The following MBTPS1 variants were observed in gnomAD, a reference collection of about 807,000 sequenced individuals.
The protein encoded by MBTPS1 is membrane-bound transcription factor site-1 protease.
A neutral mutation model predicts 127.8 loss-of-function variants in MBTPS1; 94 were observed. The ratio of observed to expected loss-of-function variants is 0.74; its 90% CI spans 0.62 to 0.87. The LOEUF (loss-of-function observed/expected upper bound fraction) is 0.87. Ranked by LOEUF, MBTPS1 falls within the 40% of genes least tolerant of loss-of-function variation. MBTPS1 has a pLI of 0.00. For synonymous variants in MBTPS1, 632 were observed against 509.4 expected (o/e 1.24, Z -3.24); for missense variants, 1,636 against 1,353.2 (o/e 1.21, Z -3.28).
chr16:84,108,446 T>C (rs930387177), intron 1 of MBTPS1, among the ~76,000 whole-genome samples: 1 of 152,154 alleles, frequency 6.6e-6, no homozygotes, highest in African/African-American at 2.4e-5. Context: ...GTATTTTTAG[T>C]AGAGACAGGA....
intron 9 of MBTPS1, among the ~76,000 whole-genome samples, chr16:84,087,042 C>T (rs530196997): frequency 1.8e-4 from 28 of 152,200 alleles, no homozygotes; most frequent in Admixed American, 5.2e-4. Context: ...ATAGGGTAAA[C>T]GGGCAGGAAC....
chr16:84,098,502 T>C (rs888059251), intron 3 of MBTPS1, among the ~76,000 whole-genome samples: 2 of 150,684 alleles, frequency 1.3e-5, no homozygotes, highest in Non-Finnish European at 1.5e-5. Context: ...CCCAGCTACT[T>C]GGGAGGCTAA....
At position 84,093,838 on chromosome 16, in the gene MBTPS1, A is replaced by C. The variant is rs1392038388; in HGVS notation, c.626-17T>G. The C allele has an allele frequency of 6.7e-7, 1 of 1,503,348 alleles. No homozygotes were observed. Among genetic ancestry groups the C allele is most frequent in the Admixed American group, 1.7e-5 (1 of 59,846 alleles). The allele number at this position is 1,503,348 out of a possible 1,614,324, so 93.1% of individuals were successfully genotyped here. A position where few individuals can be genotyped will look rare whatever the true frequency, so the allele number is the denominator to read the frequency against. ...CATTAGCACCTTATTCGGAAAAGAA[A>C]GCAAACACAATTATGTTTGAAGAAA... On this transcript the variant is annotated splice_polypyrimidine_tract_variant and intron_variant, in intron 4 of 22. Transcript: ENST00000343411.
chr16:84,077,029 C>T (rs2085865049), intron 11 of MBTPS1, among the ~76,000 whole-genome samples: 1 of 152,012 alleles, frequency 6.6e-6, no homozygotes, highest in Admixed American at 6.6e-5. Context: ...AGTTGAAGAC[C>T]AGCCTGGGCA....
chr16:84,088,180 T>A (rs1216136558), intron 8 of MBTPS1, among the ~76,000 whole-genome samples: 6 of 152,202 alleles, frequency 3.9e-5, no homozygotes, highest in Non-Finnish European at 8.8e-5. Flanking sequence ...TAAAACTGCA[T>A]TGCTAAGCTT....
At chr16:84,091,001 A>C (rs79779230) in intron 7 of MBTPS1, 59 bp from the exon 8 acceptor site, 1 of 400,278 alleles carries the variant, frequency 2.5e-6, no homozygotes, top group Non-Finnish European at 3.7e-6. Context: ...ATAACTGTCA[A>C]AAAAAAAAAA....
At chr16:84,055,599 C>G (rs1009239157) in intron 22 of MBTPS1, among the ~76,000 whole-genome samples, 4 of 152,208 alleles carry the variant, frequency 2.6e-5, no homozygotes, top group African/African-American at 9.6e-5. Flanking sequence ...AAGGGGCCTT[C>G]TGGGCTGAGG....
intron 21 of MBTPS1, among the ~76,000 whole-genome samples, chr16:84,058,565 C>G (rs534598904): frequency 1.6e-4 from 24 of 152,288 alleles, no homozygotes; most frequent in Non-Finnish European, 2.1e-4. Flanking sequence ...AGAAGCTCCC[C>G]CTTTCTTCTT....
At chr16:84,087,587 T>C (rs1009763225) in intron 8 of MBTPS1, 127 bp from the exon 9 acceptor site, 1 of 634,910 alleles carries the variant, frequency 1.6e-6, no homozygotes, top group African/African-American at 1.8e-5. Flanking sequence ...GAGCTGCTTC[T>C]GTGGGAAGAC....
chr16:84,065,617 G>A (rs2085669887), intron 18 of MBTPS1, 73 bp downstream of exon 18: 2 of 948,960 alleles, frequency 2.1e-6, no homozygotes, highest in East Asian at 2.4e-5. Context: ...AGAGATGAGA[G>A]ACAGAGAGAG....
intron 21 of MBTPS1, among the ~76,000 whole-genome samples, chr16:84,058,516 G>A (rs1463365352): frequency 1.3e-5 from 2 of 152,232 alleles, no homozygotes; most frequent in African/African-American, 4.8e-5. Context: ...CACGGACACA[G>A]CTCTGACAGC....
intron 1 of MBTPS1, among the ~76,000 whole-genome samples, chr16:84,107,917 G>C (rs1367392995): frequency 6.7e-6 from 1 of 149,934 alleles, no homozygotes; most frequent in African/African-American, 2.5e-5. Context: ...TGTTGCCCAG[G>C]CTGGTCTCAA....
chr16:84,095,658 G>C lies in MBTPS1; in HGVS notation c.569C>G (p.Pro190Arg), dbSNP rs138035660. 1 of 1,614,208 alleles carries C rather than the reference G, an allele frequency of 6.2e-7. No individual in the cohort carries two copies. The highest frequency in any genetic ancestry group is 1.3e-5 in the African/African-American group (1 of 75,060). ...HSSRRLLRAI[P>R]RQVAQTLQAD... The stretch of plus-strand genomic sequence containing the variant: ...CTGCAGTGTCTGGGCAACCTGGCGC[G>C]GGATGGCTCTCAGCAGCCGTCTGCT... Residue 190 changes from proline to arginine, a missense_variant, in exon 4 of 23, where the codon CCG (proline) becomes CGG (arginine). Transcript: ENST00000343411.
Position 84,054,143 on chromosome 16 carries a change from C to G in MBTPS1, c.*306G>C, listed in dbSNP as rs2085480000. ...TTTGTTTGGAAAGTACATCCTTCCC[C>G]TGCAGTCAGAAGACCCCAGACAGCC... is the stretch of plus-strand genomic sequence containing the variant. On this transcript the variant is annotated 3_prime_UTR_variant, in exon 23 of 23. Transcript: ENST00000343411. The G allele has an allele frequency of 8.0e-6, 2 of 251,562 alleles. No individual in the cohort carries two copies. The highest frequency in any genetic ancestry group is 5.5e-5 in the Admixed American group (1 of 18,242). 15.6% of individuals were successfully genotyped at this position (251,562 alleles called of 1,614,324 possible).
chr16:84,083,639 A>G (rs970514612), intron 10 of MBTPS1, among the ~76,000 whole-genome samples: 3 of 152,224 alleles, frequency 2.0e-5, no homozygotes, highest in African/African-American at 7.2e-5. Context: ...ATCTGGCATC[A>G]GAAGCTGAAA....
chr16:84,095,632 C>T lies in MBTPS1; in HGVS notation c.595G>A (p.Ala199Thr). 1 of 1,614,216 alleles carries T rather than the reference C, an allele frequency of 6.2e-7. No individual in the cohort carries two copies. Among genetic ancestry groups the T allele is most frequent in the Non-Finnish European group, 8.5e-7 (1 of 1,180,028 alleles). Residue 199 changes from alanine to threonine, a missense_variant, in exon 4 of 23, where the codon GCA (alanine) becomes ACA (threonine). Coordinates refer to ENST00000343411, the MANE Select transcript of MBTPS1 (RefSeq NM_003791.4). ...IPRQVAQTLQ[A>T]DVLWQMGYTG... ...TATCCCATCTGCCAGAGCACATCTGCCTGCAGTGTCTGGGCAACCTGGCGC... is the reference window on the plus strand; with the variant it reads ...TATCCCATCTGCCAGAGCACATCTGTCTGCAGTGTCTGGGCAACCTGGCGC...
At chr16:84,060,279 T>G (rs1462997184) in intron 20 of MBTPS1, 1 of 159,688 alleles carries the variant, frequency 6.3e-6, no homozygotes, top group African/African-American at 2.4e-5. Flanking sequence ...ACAGGATTAC[T>G]GAGAGGGGAC....
At chr16:84,105,538 G>A (rs1037510279) in intron 1 of MBTPS1, among the ~76,000 whole-genome samples, 8 of 152,140 alleles carry the variant, frequency 5.3e-5, no homozygotes, top group Admixed American at 3.9e-4. Flanking sequence ...AAAGATGGGC[G>A]TGAGGGAGGG....
chr16:84,082,723 T>C (rs2085959448), intron 10 of MBTPS1, among the ~76,000 whole-genome samples: 1 of 152,184 alleles, frequency 6.6e-6, no homozygotes, highest in Admixed American at 6.5e-5. Flanking sequence ...AGGCAGGTTT[T>C]CTAAATGGGA....
Sources: allele counts gnomAD v4.1 joint callset (sites outside exome capture counted in the v4.1 genomes callset), GRCh38; gene constraint gnomAD v4.1.1; transcripts MANE v1.5; gene names NCBI Gene and HGNC (gene_info 2026-07-23, HGNC 2026-07-21).